The following GPR19 variants were observed in gnomAD, a reference collection of about 807,000 sequenced individuals.
GPR19 encodes the protein probable G protein-coupled receptor 19.
Under a neutral mutation model 28.5 loss-of-function variants are expected in GPR19, and 14 were observed. That is an observed-to-expected ratio of 0.49 (90% confidence interval 0.32 to 0.77). The LOEUF is 0.77. Ranked by LOEUF, GPR19 falls within the 30% of genes least tolerant of loss-of-function variation. GPR19 has a pLI of 0.03. For missense variants in GPR19, 409 were observed against 504.1 expected (o/e 0.81, Z 1.81); for synonymous variants, 173 against 184.1 (o/e 0.94, Z 0.49).
upstream of GPR19, among the ~76,000 whole-genome samples, chr12:12,697,358 C>T (rs1308521252): frequency 8.0e-6 from 1 of 125,504 alleles, no homozygotes; most frequent in East Asian, 2.2e-4. Flanking sequence ...ACAGATATGA[C>T]TGGATTCGTT....
At chr12:12,703,313 T>A in the GPR19 span, 1 of 880,402 alleles carries the variant, frequency 1.1e-6, no homozygotes, top group Non-Finnish European at 1.4e-6. Context: ...TTGGGTAAGG[T>A]CTATTGATTG....
chr12:12,670,638 AACAC>A (rs1471150356), intron 3 of GPR19, among the ~76,000 whole-genome samples: 3,351 of 152,324 alleles, frequency 0.022, 135 homozygotes, highest in African/African-American at 0.075. Flanking sequence ...AGTTCTACAA[AACAC>A]CTAGTTCTGT....
chr12:12,687,463 T>A (rs1030468288), intron 2 of GPR19, among the ~76,000 whole-genome samples: 2 of 152,208 alleles, frequency 1.3e-5, no homozygotes, highest in African/African-American at 4.8e-5. Context: ...CTTCTACAAG[T>A]ATGCATTCTA....
At chr12:12,689,465 G>A (rs1021221676) in intron 2 of GPR19, among the ~76,000 whole-genome samples, 31 of 151,924 alleles carry the variant, frequency 2.0e-4, no homozygotes, top group African/African-American at 5.6e-4. Context: ...GTCATCTACA[G>A]AAAAAAGTGA....
chr12:12,666,938 A>G (rs1228917269), intron 3 of GPR19, among the ~76,000 whole-genome samples: 4 of 152,220 alleles, frequency 2.6e-5, no homozygotes, highest in Non-Finnish European at 4.4e-5. Flanking sequence ...TCTAAGGGAA[A>G]GCCAAGGTAA....
chr12:12,676,931 A>G (rs1001641862), intron 3 of GPR19, among the ~76,000 whole-genome samples: 1 of 152,250 alleles, frequency 6.6e-6, no homozygotes, highest in African/African-American at 2.4e-5. Flanking sequence ...TTCTGACTTC[A>G]GTATCAAGAG....
intron 2 of GPR19, among the ~76,000 whole-genome samples, chr12:12,690,207 C>G (rs1946163743): frequency 6.6e-6 from 1 of 152,122 alleles, no homozygotes; most frequent in African/African-American, 2.4e-5. Context: ...GGTGAAAACT[C>G]TAGACAAAAT....
chr12:12,693,539 A>G lies in GPR19; in HGVS notation c.-180+1920T>C, dbSNP rs1566166797. Among the ~76,000 whole-genome samples, 4 of 152,228 alleles carry G rather than the reference A, an allele frequency of 2.6e-5. No homozygotes were observed. The South Asian group carries it at 8.3e-4, about 32-fold the overall frequency. On this transcript the variant is annotated intron_variant, in intron 2 of 3. Coordinates refer to ENST00000651487, the MANE Select transcript of GPR19 (RefSeq NM_006143.3). The stretch of plus-strand genomic sequence containing the variant: ...CAGCTTGGGAGACTGACACTCTTCT[A>G]TCTCTACAGCTAAGCCTGTGTATCC...
intron 3 of GPR19, among the ~76,000 whole-genome samples, chr12:12,668,690 A>C (rs1037872429): frequency 4.6e-5 from 7 of 151,612 alleles, no homozygotes; most frequent in Non-Finnish European, 8.8e-5. Context: ...AAAAAAAAAA[A>C]CAGAAACATT....
the GPR19 span, among the ~76,000 whole-genome samples, chr12:12,712,942 A>G: frequency 6.6e-6 from 1 of 152,240 alleles, no homozygotes; most frequent in Admixed American, 6.5e-5. Context: ...ACAATACCTT[A>G]CACATGGTAT....
chr12:12,691,682 C>T (rs188564199), intron 2 of GPR19, among the ~76,000 whole-genome samples: 1 of 152,172 alleles, frequency 6.6e-6, no homozygotes, highest in East Asian at 1.9e-4. Context: ...ATCTTTATAC[C>T]TCTAGGATCT....
At chr12:12,697,152 G>GGAA (rs1565413527), upstream of GPR19, among the ~76,000 whole-genome samples, 1 of 5,260 alleles carries the variant, frequency 1.9e-4, no homozygotes, top group African/African-American at 5.0e-4. Flanking sequence ...TTGAAGCGAA[G>GGAA]TAAAAAAAAA....
chr12:12,661,743 A>C lies in GPR19; in HGVS notation c.706T>G (p.Ser236Ala). ...IHFLVGFVIP[S>A]VLIILFYQKV... ...TGGTAAAATAAAATTATGAGGACAGATGGAATCACAAAGCCCACCAAGAAG... is the reference window on the plus strand; with the variant it reads ...TGGTAAAATAAAATTATGAGGACAGCTGGAATCACAAAGCCCACCAAGAAG... The change falls in exon 4 of 4, where the codon TCT (serine) becomes GCT (alanine). Residue 236 changes from serine to alanine, a missense_variant. Physicochemically the swap from Ser to Ala is moderately conservative, Grantham distance 99. Coordinates refer to ENST00000651487, the MANE Select transcript of GPR19 (RefSeq NM_006143.3). This position sits in a 1 kb window ranked among gnomAD's most constrained non-coding sequence, Gnocchi z 4.2. 3 of 1,614,146 alleles carry C rather than the reference A, an allele frequency of 1.9e-6. No homozygotes were observed. The highest frequency in any genetic ancestry group is 2.5e-6 in the Non-Finnish European group (3 of 1,180,022).
chr12:12,677,285 C>T (rs1327643944), intron 3 of GPR19, among the ~76,000 whole-genome samples: 3 of 150,978 alleles, frequency 2.0e-5, no homozygotes, highest in African/African-American at 4.9e-5. Flanking sequence ...TGGCTCACTG[C>T]AACCTCTGCC....
the GPR19 span, among the ~76,000 whole-genome samples, chr12:12,713,355 T>G: frequency 6.6e-6 from 1 of 151,986 alleles, no homozygotes; most frequent in Non-Finnish European, 1.5e-5. Context: ...GTGAGCACCG[T>G]GCCCAGCCCT....
Position 12,665,726 on chromosome 12 carries a change from A to G in GPR19, c.-22-3256T>C, listed in dbSNP as rs536069749. On this transcript the variant is annotated intron_variant, in intron 3 of 3. Transcript: ENST00000651487. Reference sequence around the variant, plus strand: ...GTGGTGGGCGCCTGTAGTCCCAGCTATCCGGGAGGCTGAGGCAGGAGAACG... The same window carrying G: ...GTGGTGGGCGCCTGTAGTCCCAGCTGTCCGGGAGGCTGAGGCAGGAGAACG... 6.8e-5 allele frequency among the ~76,000 whole-genome samples: 10 copies of G among 147,600 alleles called. No homozygotes were observed. In the South Asian group the frequency reaches 1.3e-3, roughly 19 times the overall value.
At chr12:12,706,142 T>C in the GPR19 span, among the ~76,000 whole-genome samples, 1 of 152,212 alleles carries the variant, frequency 6.6e-6, no homozygotes, top group African/African-American at 2.4e-5. Context: ...CCAGTCAGGC[T>C]TTCACATCTT....
intron 2 of GPR19, among the ~76,000 whole-genome samples, chr12:12,690,968 TAA>T (rs1946172086): frequency 1.3e-5 from 2 of 152,172 alleles, no homozygotes; most frequent in African/African-American, 4.8e-5. Flanking sequence ...TAACCATATA[TAA>T]GTGTTACTGT....
At chr12:12,664,932 AAAAAAAAAAAAAAAG>A (rs1473677448) in intron 3 of GPR19, among the ~76,000 whole-genome samples, 1 of 146,610 alleles carries the variant, frequency 6.8e-6, no homozygotes, top group Non-Finnish European at 1.5e-5. Flanking sequence ...AAAAAAAAAA[AAAAAAAAAAAAAAAG>A]AAATCAGGAC....
Sources: allele counts gnomAD v4.1 joint callset (sites outside exome capture counted in the v4.1 genomes callset), GRCh38; gene constraint gnomAD v4.1.1; non-coding constraint Gnocchi (gnomAD v3.1); transcripts MANE v1.5; gene names NCBI Gene and HGNC (gene_info 2026-07-23, HGNC 2026-07-21).